FMO4: variants seen among roughly 807,000 people sequenced by gnomAD.
FMO4 encodes dimethylaniline monooxygenase [N-oxide-forming] 4.
A neutral mutation model predicts 43.3 loss-of-function variants in FMO4; 38 were observed. The observed-to-expected ratio is 0.88, with a 90% CI of 0.68 to 1.15. FMO4 has a LOEUF of 1.15. Among genes scored for constraint, FMO4 ranks in the 50% most tolerant of loss-of-function variants. FMO4 has a pLI of 0.00. For synonymous variants in FMO4, 224 were observed against 232.2 expected, an observed-to-expected ratio of 0.96 and a Z score of 0.32; for missense variants, 631 against 663.3, an observed-to-expected ratio of 0.95 and a Z score of 0.54.
chr1:171,323,062 A>C lies in FMO4; in HGVS notation c.191A>C (p.Lys64Thr). 2 of 1,613,410 alleles carry C rather than the reference A, an allele frequency of 1.2e-6. No individual in the cohort carries two copies. Among genetic ancestry groups the C allele is most frequent in the Non-Finnish European group, 1.7e-6 (2 of 1,179,414 alleles). Reference protein sequence around the residue: ...VYKSLVTNVCKEMSCYSDFPF... With the variant: ...VYKSLVTNVCTEMSCYSDFPF... ...AAGTCATTAGTGACAAATGTCTGTA[A>C]GGAAATGTCATGTTACAGTGACTTC... is the stretch of plus-strand genomic sequence containing the variant. The change falls in exon 4 of 10, where the codon AAG becomes ACG. Residue 64 changes from lysine to threonine, a missense_variant. By Grantham distance (78) the Lys-to-Thr change is moderately conservative. Transcript: ENST00000367749.
At chr1:171,328,294 T>C (rs576539399) in intron 5 of FMO4, among the ~76,000 whole-genome samples, 2 of 152,060 alleles carry the variant, frequency 1.3e-5, no homozygotes, top group Non-Finnish European at 2.9e-5. Context: ...CCACCCACCT[T>C]GGCCTCCTAA....
intron 2 of FMO4, among the ~76,000 whole-genome samples, chr1:171,319,074 A>C (rs1447732285): frequency 6.6e-6 from 1 of 152,124 alleles, no homozygotes; most frequent in Non-Finnish European, 1.5e-5. Flanking sequence ...AGTCTTTTAC[A>C]CCCTGCCCTT....
In FMO4 at chr1:171,323,108, T is replaced by C. The variant is rs1662506096; in HGVS notation, c.237T>C (p.Pro79=). 1.9e-6 allele frequency: 3 copies of C among 1,613,426 alleles called. No individual in the cohort carries two copies. The East Asian group carries it at 6.7e-5, about 36-fold the overall frequency. Residue 79 remains proline, a synonymous_variant, in exon 4 of 10, where the codon CCT becomes CCC. Transcript: ENST00000367749. ...ACTTCCCTTTCCACGAAGATTATCC[T>C]AATTTCATGAACCATGAAAAATTTT... ...YSDFPFHEDY[P]NFMNHEKFWD... is the part of the protein sequence containing the mutation.
chr1:171,328,948 C>T (rs1035292904), intron 5 of FMO4, among the ~76,000 whole-genome samples: 2 of 152,060 alleles, frequency 1.3e-5, no homozygotes, highest in African/African-American at 4.8e-5. Context: ...ATTTTCATAA[C>T]TAAAATGTCC....
chr1:171,321,178 C>G (rs1357862647), intron 3 of FMO4, among the ~76,000 whole-genome samples: 1 of 151,672 alleles, frequency 6.6e-6, no homozygotes, highest in Non-Finnish European at 1.5e-5. Context: ...TTCTTCTATT[C>G]TAAAGTAATA....
At chr1:171,319,390 T>C (rs1295521202) in intron 2 of FMO4, among the ~76,000 whole-genome samples, 1 of 152,182 alleles carries the variant, frequency 6.6e-6, no homozygotes, top group Non-Finnish European at 1.5e-5. Flanking sequence ...GGATAGGGCA[T>C]GGTGGGCCAG....
chr1:171,332,951 A>AT (rs759977735), intron 7 of FMO4, 43 bp downstream of exon 7: 17 of 894,628 alleles, frequency 1.9e-5, no homozygotes, highest in Non-Finnish European at 3.1e-5. Flanking sequence ...TTAAATCAAT[A>AT]TTTATCATTA....
chr1:171,320,275 A>G (rs1662358758), intron 3 of FMO4, among the ~76,000 whole-genome samples: 1 of 152,252 alleles, frequency 6.6e-6, no homozygotes, highest in Admixed American at 6.5e-5. Flanking sequence ...AGAGTGTAAC[A>G]TCAGGCAAAC....
chr1:171,330,197 C>G (rs1662838890), intron 5 of FMO4, among the ~76,000 whole-genome samples: 1 of 152,162 alleles, frequency 6.6e-6, no homozygotes, highest in Non-Finnish European at 1.5e-5. Flanking sequence ...AACTTGAAGC[C>G]TTGGAGTGAG....
intron 9 of FMO4, among the ~76,000 whole-genome samples, chr1:171,338,555 C>A (rs950020448): frequency 1.3e-5 from 2 of 152,180 alleles, no homozygotes; most frequent in African/African-American, 4.8e-5. Context: ...CCAAACATAA[C>A]CCCCTCAGAA....
At chr1:171,332,659 A>G (rs759650621) in intron 6 of FMO4, 50 bp from the exon 7 acceptor site, 1 of 1,494,696 alleles carries the variant, frequency 6.7e-7, no homozygotes, top group South Asian at 1.2e-5. Context: ...GAAAAATACT[A>G]CAAAATGATG....
intron 3 of FMO4, among the ~76,000 whole-genome samples, chr1:171,322,422 C>T (rs545887316): frequency 1.3e-5 from 2 of 152,258 alleles, no homozygotes; most frequent in East Asian, 3.9e-4. Flanking sequence ...CAATGTTAGT[C>T]TTGGAGAGCC....
Position 171,341,899 on chromosome 1 carries a change from C to CTTGGAGCTT in FMO4, c.*60_*61insTTGGAGCTT, listed in dbSNP as rs1415684566. ...TAATTCTATCTCCAAGTATCTTGTG[C>CTTGGAGCTT]ATCCCTCCTCTGCTCTCCATCATAA... On this transcript the variant is annotated 3_prime_UTR_variant, in exon 10 of 10. Transcript: ENST00000367749. The CTTGGAGCTT allele has an allele frequency of 1.5e-6, 2 of 1,349,316 alleles. No individual in the cohort carries two copies. The highest frequency in any genetic ancestry group is 2.1e-6 in the Non-Finnish European group (2 of 975,464). The allele number at this position is 1,349,316 out of a possible 1,614,324, so 83.6% of individuals were successfully genotyped here.
intron 7 of FMO4, among the ~76,000 whole-genome samples, chr1:171,333,627 C>T (rs1226775580): frequency 6.6e-6 from 1 of 152,160 alleles, no homozygotes; most frequent in African/African-American, 2.4e-5. Flanking sequence ...TTTTATTATA[C>T]ACTTGACCCA....
intron 8 of FMO4, among the ~76,000 whole-genome samples, chr1:171,335,389 G>T (rs1571410590): frequency 6.6e-6 from 1 of 152,188 alleles, no homozygotes; most frequent in South Asian, 2.1e-4. Flanking sequence ...AATTAGCACA[G>T]TACTTGACAT....
At chr1:171,339,405 C>T (rs937048150) in intron 9 of FMO4, among the ~76,000 whole-genome samples, 2 of 152,152 alleles carry the variant, frequency 1.3e-5, no homozygotes, top group Admixed American at 1.3e-4. Context: ...TCCAGGATCT[C>T]ATGGAGAGCT....
chr1:171,326,537 G>C (rs1662676863), intron 5 of FMO4, among the ~76,000 whole-genome samples: 1 of 152,198 alleles, frequency 6.6e-6, no homozygotes, highest in African/African-American at 2.4e-5. Context: ...GTTACAAGCA[G>C]GTTTCTGAAG....
At chr1:171,338,539 A>G (rs1663215180) in intron 9 of FMO4, among the ~76,000 whole-genome samples, 1 of 152,086 alleles carries the variant, frequency 6.6e-6, no homozygotes, top group Non-Finnish European at 1.5e-5. Flanking sequence ...CTGTTCCTCA[A>G]ACATACCAAA....
chr1:171,332,412 T>C (rs953255723), intron 6 of FMO4, among the ~76,000 whole-genome samples: 1 of 152,218 alleles, frequency 6.6e-6, no homozygotes, highest in African/African-American at 2.4e-5. Context: ...AGTTCTATTT[T>C]GCTTACATGT....
Sources: allele counts gnomAD v4.1 joint callset (sites outside exome capture counted in the v4.1 genomes callset), GRCh38; gene constraint gnomAD v4.1.1; transcripts MANE v1.5; gene names NCBI Gene and HGNC (gene_info 2026-07-23, HGNC 2026-07-21).